The following UGT8 variants were observed in gnomAD, a reference collection of about 807,000 sequenced individuals.
UGT8 encodes UDP glycosyltransferase 8, also known as 2-hydroxyacylsphingosine 1-beta-galactosyltransferase.
In UGT8, 12 loss-of-function variants were observed where a neutral mutation model predicts 40.5. The observed-to-expected ratio is 0.30, with a 90% CI of 0.19 to 0.48. The LOEUF is 0.48. Among genes scored for constraint, UGT8 ranks in the 20% least tolerant of loss-of-function variants. The pLI, the probability that UGT8 is intolerant of heterozygous loss-of-function variation, is 0.99. For synonymous variants in UGT8, 224 were observed against 240.4 expected (o/e 0.93, Z 0.63); for missense variants, 513 against 648.7 (o/e 0.79, Z 2.27).
intron 1 of UGT8, among the ~76,000 whole-genome samples, chr4:114,606,446 T>C (rs887240928): frequency 1.3e-5 from 2 of 152,120 alleles, no homozygotes; most frequent in Admixed American, 6.6e-5. Context: ...GTGTTTTACA[T>C]AGATTTTGCA....
At chr4:114,602,091 T>A (rs1451118718) in intron 1 of UGT8, among the ~76,000 whole-genome samples, 1 of 152,184 alleles carries the variant, frequency 6.6e-6, no homozygotes, top group Non-Finnish European at 1.5e-5. Context: ...ATGTACCTTT[T>A]ATAGAAAAAA....
intron 2 of UGT8, among the ~76,000 whole-genome samples, chr4:114,653,557 C>A (rs1734006063): frequency 6.6e-6 from 1 of 151,932 alleles, no homozygotes; most frequent in South Asian, 2.1e-4. Flanking sequence ...AGAAGGGATT[C>A]TTTAGTTGCC....
intron 4 of UGT8, among the ~76,000 whole-genome samples, chr4:114,666,166 C>G (rs987685511): frequency 6.6e-6 from 1 of 151,928 alleles, no homozygotes; most frequent in Non-Finnish European, 1.5e-5. Context: ...GGTCTGAGAA[C>G]CAAGAGAAAT....
intron 1 of UGT8, among the ~76,000 whole-genome samples, chr4:114,602,743 G>A (rs968038612): frequency 6.6e-6 from 1 of 152,230 alleles, no homozygotes; most frequent in Non-Finnish European, 1.5e-5. Flanking sequence ...CAGAAATTTG[G>A]AAGTGGTCAA....
intron 5 of UGT8, among the ~76,000 whole-genome samples, chr4:114,674,960 T>TA (rs1269078672): frequency 1.3e-5 from 2 of 152,266 alleles, no homozygotes; most frequent in African/African-American, 4.8e-5. Context: ...GCTTATATTT[T>TA]ATCACTTTGT....
At chr4:114,671,856 G>T (rs143167863) in intron 5 of UGT8, among the ~76,000 whole-genome samples, 1,770 of 152,230 alleles carry the variant, frequency 0.012, 8 homozygotes, top group Middle Eastern at 0.034. Context: ...TTTCTGCACA[G>T]CAAAAGAAAC....
At chr4:114,667,515 C>T (rs1334752483) in intron 4 of UGT8, among the ~76,000 whole-genome samples, 1 of 152,104 alleles carries the variant, frequency 6.6e-6, no homozygotes, top group Non-Finnish European at 1.5e-5. Context: ...ATGTTTACCT[C>T]TACATGTTTG....
At chr4:114,603,142 A>C (rs1373385951) in intron 1 of UGT8, among the ~76,000 whole-genome samples, 1 of 152,174 alleles carries the variant, frequency 6.6e-6, no homozygotes, top group East Asian at 1.9e-4. Flanking sequence ...TGGGTGGTAT[A>C]GGAGGATGGG....
chr4:114,671,128 A>G (rs910294000), intron 5 of UGT8, among the ~76,000 whole-genome samples: 1 of 152,158 alleles, frequency 6.6e-6, no homozygotes, highest in African/African-American at 2.4e-5. Flanking sequence ...CTTCAAGGAG[A>G]ACTACAAACC....
rs139909942 is a variant in UGT8 at position 114,661,683 on chromosome 4, G to A, written c.823-2312G>A. Among the ~76,000 whole-genome samples, 73 of 152,276 alleles carry A rather than the reference G, an allele frequency of 4.8e-4. No homozygotes were observed. In the East Asian group the frequency reaches 0.011, roughly 23 times the overall value. On this transcript the variant is annotated intron_variant, in intron 2 of 5. Coordinates refer to ENST00000310836, the MANE Select transcript of UGT8 (RefSeq NM_001128174.3). ...AGGGGTTACATTGAGGGACAGTAAG[G>A]CATCCACTTGCTCACTGTCTCTGCT...
chr4:114,657,938 G>A (rs1578456483), intron 2 of UGT8, among the ~76,000 whole-genome samples: 2 of 152,288 alleles, frequency 1.3e-5, no homozygotes. Flanking sequence ...TGGAATTGGG[G>A]TTTGAAGCAA....
chr4:114,622,116 C>A (rs1731840575), intron 1 of UGT8, among the ~76,000 whole-genome samples: 1 of 127,894 alleles, frequency 7.8e-6, no homozygotes, highest in African/African-American at 2.9e-5. Flanking sequence ...CCCCCCACCC[C>A]ACAACAGTCC....
chr4:114,622,893 A>C lies in UGT8; in HGVS notation c.13A>C (p.Thr5Pro). MKSY[T>P]PYFILLWSAV... ...TGTTATTACAGCTATGAAGTCTTACACTCCATATTTCATTCTCCTGTGGAG... is the reference window on the plus strand; with the variant it reads ...TGTTATTACAGCTATGAAGTCTTACCCTCCATATTTCATTCTCCTGTGGAG... Residue 5 changes from threonine to proline, a missense_variant, in exon 2 of 6, where the codon ACT becomes CCT. This residue lies in a region of UGT8 where 335 missense variants were observed against 444.8 expected (regional missense o/e 0.75). Transcript: ENST00000310836. 1 of 1,612,078 alleles carries C rather than the reference A, an allele frequency of 6.2e-7. No individual in the cohort carries two copies. The highest frequency in any genetic ancestry group is 2.2e-5 in the East Asian group (1 of 44,850).
At chr4:114,665,816 CTTT>C (rs528593278) in intron 4 of UGT8, 60 bp downstream of exon 4, 3,059 of 1,079,724 alleles carry the variant, frequency 2.8e-3, no homozygotes, top group South Asian at 4.7e-3. Flanking sequence ...ATAAATGTGA[CTTT>C]TTTTTTTTTT....
intron 4 of UGT8, among the ~76,000 whole-genome samples, chr4:114,666,013 A>G (rs954313700): frequency 1.3e-5 from 2 of 152,114 alleles, no homozygotes; most frequent in African/African-American, 4.8e-5. Flanking sequence ...CCAGCCATCA[A>G]TTTTAATTAT....
At chr4:114,624,075 A>G (rs1036600068) in intron 2 of UGT8, among the ~76,000 whole-genome samples, 13 of 152,186 alleles carry the variant, frequency 8.5e-5, no homozygotes, top group African/African-American at 2.9e-4. Context: ...TTCTGCCCCA[A>G]ATAGCACAAT....
At chr4:114,661,770 C>T (rs1005304363) in intron 2 of UGT8, among the ~76,000 whole-genome samples, 2 of 152,182 alleles carry the variant, frequency 1.3e-5, no homozygotes, top group African/African-American at 4.8e-5. Flanking sequence ...TCCCACTCTT[C>T]CTTCTAAGCC....
In UGT8 at chr4:114,638,955, A is replaced by G. The variant is rs141697088; in HGVS notation, c.822+15253A>G. Among the ~76,000 whole-genome samples, 15 of 152,356 alleles carry G rather than the reference A, an allele frequency of 9.8e-5. No individual in the cohort carries two copies. The East Asian group carries it at 2.9e-3, about 29-fold the overall frequency. On this transcript the variant is annotated intron_variant, in intron 2 of 5. Coordinates refer to ENST00000310836, the MANE Select transcript of UGT8 (RefSeq NM_001128174.3). ...CTTAGTAGAGAATATTTATCCTTGT[A>G]AAAGAAAATGCCCAGCCCTTCATAC...
chr4:114,623,715 G>A lies in UGT8; in HGVS notation c.822+13G>A, dbSNP rs753707187. 3.7e-5 allele frequency: 58 copies of A among 1,565,190 alleles called. No homozygotes were observed. In the Admixed American group the frequency reaches 4.4e-4, roughly 12 times the overall value. ...CCCACTACCAGAAGTAAGGTTTGCC[G>A]AATTCCTTGGTAATTCTTTTTTAAT... is the stretch of plus-strand genomic sequence containing the variant. On this transcript the variant is annotated intron_variant, in intron 2 of 5. Coordinates refer to ENST00000310836, the MANE Select transcript of UGT8 (RefSeq NM_001128174.3).
Sources: allele counts gnomAD v4.1 joint callset (sites outside exome capture counted in the v4.1 genomes callset), GRCh38; gene constraint gnomAD v4.1.1; regional missense constraint gnomAD v4.1.1; transcripts MANE v1.5; gene names NCBI Gene and HGNC (gene_info 2026-07-23, HGNC 2026-07-21).